Variants in PDE2A observed in about 807,000 individuals in gnomAD.
The protein encoded by PDE2A is cGMP-dependent 3',5'-cyclic phosphodiesterase.
Under a neutral mutation model 133.6 loss-of-function variants are expected in PDE2A, and 53 were observed. The observed-to-expected ratio is 0.40, with a 90% CI of 0.32 to 0.50. The LOEUF (loss-of-function observed/expected upper bound fraction) is 0.50, where lower values mean the gene tolerates loss of function less well. Among genes scored for constraint, PDE2A ranks in the 20% least tolerant of loss-of-function variants. The pLI, the probability that PDE2A is intolerant of heterozygous loss-of-function variation, is 0.73. For synonymous variants in PDE2A, 491 were observed against 490.2 expected, an observed-to-expected ratio of 1.00 and a Z score of -0.02; for missense variants, 796 against 1,232.4, an observed-to-expected ratio of 0.65 and a Z score of 5.30.
chr11:72,615,011 GC>G, intron 2 of PDE2A: 1 of 311,684 alleles, frequency 3.2e-6, no homozygotes, highest in Non-Finnish European at 7.3e-6. Context: ...CCCGCTCCAT[GC>G]CCCCATCCCT....
chr11:72,638,469 C>T (rs1858802123), intron 2 of PDE2A, among the ~76,000 whole-genome samples: 1 of 152,182 alleles, frequency 6.6e-6, no homozygotes, highest in Non-Finnish European at 1.5e-5. Flanking sequence ...GGAGCCAGAC[C>T]CCAGCACCAG....
At chr11:72,610,511 A>T (rs1857157852) in intron 2 of PDE2A, among the ~76,000 whole-genome samples, 1 of 151,790 alleles carries the variant, frequency 6.6e-6, no homozygotes, top group East Asian at 1.9e-4. Context: ...CCCCCACCCA[A>T]TCCAGTGTTC....
At chr11:72,611,312 G>C (rs1348048772) in intron 2 of PDE2A, among the ~76,000 whole-genome samples, 2 of 152,182 alleles carry the variant, frequency 1.3e-5, no homozygotes, top group Admixed American at 6.5e-5. Flanking sequence ...AGTCAGAGCA[G>C]AGCCAGGTCC....
intron 1 of PDE2A, among the ~76,000 whole-genome samples, chr11:72,653,872 T>C (rs372744243): frequency 1.3e-5 from 2 of 152,204 alleles, no homozygotes; most frequent in South Asian, 4.1e-4. Context: ...ATGTGTCTCT[T>C]ACCCTCAAGG....
chr11:72,642,077 G>T (rs1858974645), intron 2 of PDE2A, among the ~76,000 whole-genome samples, 177 bp downstream of exon 2: 1 of 152,196 alleles, frequency 6.6e-6, no homozygotes, highest in South Asian at 2.1e-4. Flanking sequence ...GGTGACGTGT[G>T]GACTGAGAGC....
intron 21 of PDE2A, 66 bp from the exon 22 acceptor site, chr11:72,582,013 C>T (rs1855745171): frequency 8.1e-7 from 1 of 1,229,326 alleles, no homozygotes; most frequent in South Asian, 1.2e-5. Flanking sequence ...TGCCTGGGTC[C>T]TTCTTCAAGC....
chr11:72,639,891 G>A lies in PDE2A; in HGVS notation c.144+2363C>T, dbSNP rs146509279. Among the ~76,000 whole-genome samples, 264 of 152,126 alleles carry A rather than the reference G, an allele frequency of 1.7e-3. 2 individuals carry two copies. Among genetic ancestry groups the A allele is most frequent in the Middle Eastern group, 6.8e-3 (2 of 294 alleles). The stretch of plus-strand genomic sequence containing the variant: ...CAGCCAAGCCCTTTTGCACACATGC[G>A]TCACTCCACAGACATTTATGGGGAC... On this transcript the variant is annotated intron_variant, in intron 2 of 30. Coordinates refer to ENST00000334456, the MANE Select transcript of PDE2A (RefSeq NM_002599.5).
chr11:72,634,209 G>A (rs549577334), intron 2 of PDE2A, among the ~76,000 whole-genome samples: 6 of 152,254 alleles, frequency 3.9e-5, no homozygotes, highest in East Asian at 3.9e-4. Context: ...AGGAGGGCCC[G>A]GGGAGGCACA....
intron 22 of PDE2A, 76 bp from the exon 23 acceptor site, chr11:72,581,555 T>C: frequency 6.8e-7 from 1 of 1,474,030 alleles, no homozygotes; most frequent in South Asian, 1.3e-5. Flanking sequence ...GCAAACTACA[T>C]GTCCCCTCCA....
At chr11:72,649,527 C>G (rs1256919827) in intron 1 of PDE2A, among the ~76,000 whole-genome samples, 3 of 152,258 alleles carry the variant, frequency 2.0e-5, no homozygotes, top group Non-Finnish European at 4.4e-5. Flanking sequence ...GCAGCAACCC[C>G]CTTTGTGAGG....
intron 2 of PDE2A, among the ~76,000 whole-genome samples, chr11:72,629,202 C>T (rs1858246182): frequency 6.6e-6 from 1 of 152,162 alleles, no homozygotes; most frequent in African/African-American, 2.4e-5. Flanking sequence ...AGGGAAGCCT[C>T]ATGGGAAGGA....
At chr11:72,630,787 A>G (rs932207858) in intron 2 of PDE2A, among the ~76,000 whole-genome samples, 2 of 151,882 alleles carry the variant, frequency 1.3e-5, no homozygotes, top group African/African-American at 4.8e-5. Context: ...CTCAGGGCAG[A>G]GAATCAACGG....
Position 72,588,917 on chromosome 11 carries a change from G to A in PDE2A, c.940-3C>T, listed in dbSNP as rs1204493191. The A allele has an allele frequency of 6.3e-7, 1 of 1,598,202 alleles. No homozygotes were observed. Among genetic ancestry groups the A allele is most frequent in the East Asian group, 2.2e-5 (1 of 44,490 alleles). Reference sequence around the variant, plus strand: ...CTCTGCAGCTGTTGTACATCCTCCTGCAAAGGCGAGGCAAGTCAGGGCAGG... The same window carrying A: ...CTCTGCAGCTGTTGTACATCCTCCTACAAAGGCGAGGCAAGTCAGGGCAGG... On this transcript the variant is annotated splice_polypyrimidine_tract_variant and splice_region_variant and intron_variant, in intron 12 of 30. Transcript: ENST00000334456.
At chr11:72,579,652 C>T (rs950224245) in intron 25 of PDE2A, 44 bp from the exon 26 acceptor site, 6 of 1,389,000 alleles carry the variant, frequency 4.3e-6, no homozygotes, top group South Asian at 1.2e-5. Flanking sequence ...GGCAGATGGG[C>T]TCCCTTACCA....
chr11:72,585,251 C>G, intron 16 of PDE2A, 120 bp downstream of exon 16: 1 of 842,364 alleles, frequency 1.2e-6, no homozygotes, highest in Non-Finnish European at 2.0e-6. Context: ...AAGGATCCCT[C>G]AAAAGGTGAT....
chr11:72,582,594 A>G lies in PDE2A; in HGVS notation c.1729-28T>C, dbSNP rs763053196. The G allele has an allele frequency of 2.5e-6, 4 of 1,596,290 alleles. No individual in the cohort carries two copies. The Admixed American group carries it at 5.2e-5, about 21-fold the overall frequency. Reference sequence around the variant, plus strand: ...AGAGGAGACCAGCCAGAGCATTAGAAGACAGCCTTCACCCCATCTGGTGTC... The same window carrying G: ...AGAGGAGACCAGCCAGAGCATTAGAGGACAGCCTTCACCCCATCTGGTGTC... On this transcript the variant is annotated intron_variant, in intron 20 of 30. Coordinates refer to ENST00000334456, the MANE Select transcript of PDE2A (RefSeq NM_002599.5).
intron 1 of PDE2A, chr11:72,652,635 T>G: frequency 6.6e-6 from 3 of 456,340 alleles, no homozygotes. Context: ...GCCAGATCTA[T>G]TCTCTCATTT....
At chr11:72,624,788 T>C (rs756501909) in intron 2 of PDE2A, among the ~76,000 whole-genome samples, 1 of 152,232 alleles carries the variant, frequency 6.6e-6, no homozygotes, top group Non-Finnish European at 1.5e-5. Context: ...TGTACACATC[T>C]GCTATCATGG....
At chr11:72,642,427 G>A in intron 1 of PDE2A, 101 bp from the exon 2 acceptor site, 2 of 1,230,704 alleles carry the variant, frequency 1.6e-6, no homozygotes, top group Non-Finnish European at 2.1e-6. Flanking sequence ...CTCGGTCAGC[G>A]CGTCCGCGAC....
Sources: gnomAD v4.1 joint callset for allele counts (sites outside exome capture counted in the v4.1 genomes callset) on GRCh38, gnomAD v4.1.1 for gene constraint, MANE v1.5 for transcripts, NCBI Gene and HGNC (gene_info 2026-07-23, HGNC 2026-07-21) for gene names.